Variants in PRDX4 observed in about 807,000 individuals in gnomAD.
PRDX4 encodes the protein peroxiredoxin 4, also known as peroxiredoxin-4.
Under a neutral mutation model 20.5 loss-of-function variants are expected in PRDX4, and 12 were observed. That is an observed-to-expected ratio of 0.58 (90% CI 0.37 to 0.95). The LOEUF (loss-of-function observed/expected upper bound fraction) is 0.95, where lower values mean the gene tolerates loss of function less well. PRDX4 is among the 40% of genes least tolerant of loss of function. The pLI is 0.01. For synonymous variants in PRDX4, 99 were observed against 87.5 expected (o/e 1.13, Z -0.73); for missense variants, 180 against 207.3 (o/e 0.87, Z 0.81).
intron 4 of PRDX4, among the ~76,000 whole-genome samples, chrX:23,680,660 G>A (rs1299943233): frequency 9.0e-6 from 1 of 110,614 alleles, no homozygotes; most frequent in Non-Finnish European, 1.9e-5. Flanking sequence ...GGAGACCTAG[G>A]TGGGAGGATC....
In PRDX4 at chrX:23,679,698, G is replaced by A. The variant is rs751316603; in HGVS notation, c.599+411G>A. Among the ~76,000 whole-genome samples the A allele has an allele frequency of 1.0e-4, 11 of 105,442 alleles. No homozygotes were observed. In the South Asian group the frequency reaches 1.3e-3, roughly 12 times the overall value. The allele number at this position is 105,442 out of a possible 115,157, so 91.6% of individuals were successfully genotyped here. On this transcript the variant is annotated intron_variant, in intron 4 of 6. Transcript: ENST00000379341. The stretch of plus-strand genomic sequence containing the variant: ...GAAAAAAAAAAAAAAGAAATAATTG[G>A]CTGGGCATGGTGGCTCACGCCTATA...
intron 1 of PRDX4, 153 bp from the exon 2 acceptor site, chrX:23,671,376 C>A: frequency 2.5e-6 from 1 of 393,968 alleles, no homozygotes; most frequent in South Asian, 5.6e-5. Flanking sequence ...TTTTTGCATT[C>A]AATAACACTC....
At chrX:23,683,247 G>A (rs1928122160) in intron 5 of PRDX4, among the ~76,000 whole-genome samples, 1 of 110,831 alleles carries the variant, frequency 9.0e-6, no homozygotes, top group East Asian at 2.8e-4. Context: ...GCATTCTAAT[G>A]TCTCTTTTGA....
intron 1 of PRDX4, among the ~76,000 whole-genome samples, chrX:23,669,360 A>T (rs755358497): frequency 8.9e-6 from 1 of 112,409 alleles, no homozygotes; most frequent in Non-Finnish European, 1.9e-5. Context: ...TATATTTTCC[A>T]TAGGAAACAA....
intron 3 of PRDX4, 158 bp downstream of exon 3, chrX:23,675,264 A>G (rs1601790521): frequency 9.8e-7 from 1 of 1,022,127 alleles, no homozygotes; most frequent in East Asian, 3.3e-5. Flanking sequence ...CACATTTTCC[A>G]GGTTAAAAAA....
At position 23,686,269 on chromosome X, in the gene PRDX4, CGTTTT is replaced by C. The variant is rs752239150; in HGVS notation, c.766-10_766-6del. The C allele has an allele frequency of 7.8e-6, 9 of 1,157,360 alleles. No individual in the cohort carries two copies. Among genetic ancestry groups the C allele is most frequent in the South Asian group, 4.0e-5 (2 of 49,898 alleles). Reference sequence around the variant, plus strand: ...TTTAAAATGAATAATTTCCTTTCTTCGTTTTGTTTTAACAGATAATCCCAGATCCA... The same window carrying C: ...TTTAAAATGAATAATTTCCTTTCTTCGTTTTAACAGATAATCCCAGATCCA... On this transcript the variant is annotated splice_polypyrimidine_tract_variant and intron_variant, in intron 6 of 6. Transcript: ENST00000379341.
intron 6 of PRDX4, among the ~76,000 whole-genome samples, chrX:23,685,600 C>G (rs780930970): frequency 1.2e-4 from 13 of 111,031 alleles, no homozygotes; most frequent in Non-Finnish European, 2.3e-4. Context: ...GATTCAGAAT[C>G]AGTCAATTAC....
At chrX:23,683,366 C>T (rs1276331892) in intron 5 of PRDX4, among the ~76,000 whole-genome samples, 1 of 111,609 alleles carries the variant, frequency 9.0e-6, no homozygotes, top group Non-Finnish European at 1.9e-5. Context: ...CCAGGCCTTT[C>T]AGCTCACCAG....
chrX:23,671,556 G>A lies in PRDX4; in HGVS notation c.269G>A (p.Gly90Glu). Residue 90 changes from glycine (G) to glutamate (E), a missense_variant, in exon 2 of 7, where the codon GGA becomes GAA. This residue lies in a region of PRDX4 where 105 missense variants were observed against 114.2 expected (regional missense o/e 0.92). Coordinates refer to ENST00000379341, the MANE Select transcript of PRDX4 (RefSeq NM_006406.2). ...KISKPAPYWEGTAVIDGEFKE... is the reference protein window; with the variant it reads ...KISKPAPYWEETAVIDGEFKE... ...TCCAAGCCAGCGCCCTACTGGGAAG[G>A]AACAGCTGTGATCGATGGAGAATTT... 5 of 1,207,141 alleles carry A rather than the reference G, an allele frequency of 4.1e-6. No individual in the cohort carries two copies. The highest frequency in any genetic ancestry group is 5.6e-6 in the Non-Finnish European group (5 of 893,740).
chrX:23,682,535 C>T lies in PRDX4; in HGVS notation c.730+9C>T, dbSNP rs1438217259. On this transcript the variant is annotated intron_variant, in intron 5 of 6. Coordinates refer to ENST00000379341, the MANE Select transcript of PRDX4 (RefSeq NM_006406.2). Reference sequence around the variant, plus strand: ...TGACAAACACGGAGAAGGTACCTCTCCCTTCTAACCTTTTGATTTTTTAGT... The same window carrying T: ...TGACAAACACGGAGAAGGTACCTCTTCCTTCTAACCTTTTGATTTTTTAGT... 2.7e-6 allele frequency: 3 copies of T among 1,110,781 alleles called. No homozygotes were observed. Among genetic ancestry groups the T allele is most frequent in the Admixed American group, 5.7e-5 (2 of 35,352 alleles). 91.5% of individuals were successfully genotyped at this position (1,110,781 alleles called of 1,213,427 possible). A position where few individuals can be genotyped will look rare whatever the true frequency, so the allele number is the denominator to read the frequency against.
rs368700669 is a variant in PRDX4 at position 23,679,313 on chromosome X, G to C, written c.599+26G>C. On this transcript the variant is annotated intron_variant, in intron 4 of 6. Transcript: ENST00000379341. ...GTACCTTTCAGTGGTTTTATATTAT[G>C]ACAAATCCAAGCGTGTTTATAATCC... 83 of 1,160,520 alleles carry C rather than the reference G, an allele frequency of 7.2e-5. No homozygotes were observed. In the African/African-American group the frequency reaches 1.3e-3, roughly 18 times the overall value.
chrX:23,675,436 G>GA (rs1337008272), intron 3 of PRDX4: 17 of 250,651 alleles, frequency 6.8e-5, no homozygotes, highest in African/African-American at 1.1e-4. Flanking sequence ...TAATCTGGAG[G>GA]AAAAAAATCT....
chrX:23,671,563 T>G lies in PRDX4; in HGVS notation c.276T>G (p.Ala92=). ...CAGCGCCCTACTGGGAAGGAACAGCTGTGATCGATGGAGAATTTAAGGAGC... is the reference window on the plus strand; with the variant it reads ...CAGCGCCCTACTGGGAAGGAACAGCGGTGATCGATGGAGAATTTAAGGAGC... ...SKPAPYWEGT[A]VIDGEFKELK... The change falls in exon 2 of 7, where the codon GCT becomes GCG. Residue 92 remains alanine, a synonymous_variant. Transcript: ENST00000379341. 8.3e-7 allele frequency: 1 copy of G among 1,208,379 alleles called. No individual in the cohort carries two copies. The highest frequency in any genetic ancestry group is 1.7e-5 in the African/African-American group (1 of 57,702).
intron 6 of PRDX4, among the ~76,000 whole-genome samples, chrX:23,685,484 A>C (rs1004955426): frequency 2.7e-5 from 3 of 111,938 alleles, no homozygotes; most frequent in African/African-American, 6.5e-5. Context: ...TGTAATTTCA[A>C]ATCCCCTTTG....
chrX:23,668,913 G>A (rs1051934475), intron 1 of PRDX4, among the ~76,000 whole-genome samples: 1 of 85,752 alleles, frequency 1.2e-5, no homozygotes, highest in African/African-American at 4.4e-5. Context: ...AACCACTTTG[G>A]GACTTTTTTT....
chrX:23,675,033 C>G lies in PRDX4; in HGVS notation c.403C>G (p.Leu135Val), dbSNP rs1330680074. 2.5e-6 allele frequency: 3 copies of G among 1,208,509 alleles called. No homozygotes were observed. Among genetic ancestry groups the G allele is most frequent in the African/African-American group, 3.5e-5 (2 of 56,943 alleles). ...TGAAATTATCGCTTTTGGCGACAGA[C>G]TTGAAGAATTCAGATCTATAAATAC... Reference protein sequence around the residue: ...PTEIIAFGDRLEEFRSINTEV... With the variant: ...PTEIIAFGDRVEEFRSINTEV... The change falls in exon 3 of 7, where the codon CTT becomes GTT. Residue 135 changes from leucine to valine, a missense_variant. Leu to Val is a conservative substitution (Grantham distance 32, BLOSUM62 1). Coordinates refer to ENST00000379341, the MANE Select transcript of PRDX4 (RefSeq NM_006406.2).
At chrX:23,682,113 G>A (rs1928080166) in intron 4 of PRDX4, among the ~76,000 whole-genome samples, 1 of 112,235 alleles carries the variant, frequency 8.9e-6, no homozygotes, top group Non-Finnish European at 1.9e-5. Flanking sequence ...TTAAAGGTCA[G>A]ATTATCTTCA....
At chrX:23,678,166 T>C (rs1222541170) in intron 3 of PRDX4, among the ~76,000 whole-genome samples, 1 of 108,127 alleles carries the variant, frequency 9.2e-6, no homozygotes, top group Admixed American at 9.9e-5. Context: ...ACTTACAAGG[T>C]TGAGGCAGCA....
chrX:23,676,941 A>G (rs921761645), intron 3 of PRDX4, among the ~76,000 whole-genome samples: 1 of 111,287 alleles, frequency 9.0e-6, no homozygotes, highest in African/African-American at 3.3e-5. Context: ...CTGGGCTCCA[A>G]CAATCCTTCT....
Sources: gnomAD v4.1 joint callset for allele counts (sites outside exome capture counted in the v4.1 genomes callset) on GRCh38, gnomAD v4.1.1 for gene constraint, gnomAD v4.1.1 regional missense constraint, MANE v1.5 for transcripts, NCBI Gene and HGNC (gene_info 2026-07-23, HGNC 2026-07-21) for gene names.